The following BRWD3 variants were observed in gnomAD, a reference collection of about 807,000 sequenced individuals.
BRWD3 encodes bromodomain and WD repeat domain containing 3.
In BRWD3, 10 loss-of-function variants were observed where a neutral mutation model predicts 149.7. The ratio of observed to expected loss-of-function variants is 0.07; its 90% confidence interval spans 0.04 to 0.11. BRWD3 has a LOEUF of 0.11. Ranked by LOEUF, BRWD3 falls within the 10% of genes least tolerant of loss-of-function variation. The pLI, the probability that BRWD3 is intolerant of heterozygous loss-of-function variation, is 1.00. For synonymous variants in BRWD3, 504 were observed against 456.7 expected (o/e 1.10, Z -1.32); for missense variants, 940 against 1,373.2 (o/e 0.68, Z 4.99).
chrX:80,734,660 T>C (rs2073378132), intron 10 of BRWD3, among the ~76,000 whole-genome samples: 1 of 108,273 alleles, frequency 9.2e-6, no homozygotes, highest in Non-Finnish European at 1.9e-5. Context: ...CACTTAAGAA[T>C]GGCTAAAATG....
intron 9 of BRWD3, 126 bp downstream of exon 9, chrX:80,735,862 G>C: frequency 2.4e-6 from 1 of 422,548 alleles, no homozygotes. Context: ...AGTAGGTATG[G>C]ATATGTATAC....
intron 6 of BRWD3, among the ~76,000 whole-genome samples, chrX:80,784,427 G>A (rs915981463): frequency 1.8e-5 from 2 of 111,225 alleles, no homozygotes; most frequent in African/African-American, 6.5e-5. Flanking sequence ...TGTGCAGAAC[G>A]TGCAGGTTTG....
chrX:80,807,626 C>G (rs2074360462), intron 4 of BRWD3, among the ~76,000 whole-genome samples: 1 of 111,586 alleles, frequency 9.0e-6, no homozygotes, highest in African/African-American at 3.3e-5. Context: ...GAACCTCCCC[C>G]GCAAAATAAA....
intron 18 of BRWD3, among the ~76,000 whole-genome samples, 160 bp from the exon 19 acceptor site, chrX:80,717,919 ATT>A (rs1342859731): frequency 8.9e-6 from 1 of 111,912 alleles, no homozygotes; most frequent in Non-Finnish European, 1.9e-5. Context: ...TGTTTTTCAT[ATT>A]GTTATAAATA....
intron 36 of BRWD3, 124 bp downstream of exon 36, chrX:80,685,338 A>G: frequency 1.7e-6 from 1 of 598,864 alleles, no homozygotes; most frequent in Non-Finnish European, 2.7e-6. Flanking sequence ...AAAAAATCAA[A>G]CAAAGGTAAA....
chrX:80,770,431 G>T (rs1478782042), intron 6 of BRWD3, among the ~76,000 whole-genome samples: 1 of 111,708 alleles, frequency 9.0e-6, no homozygotes, highest in Non-Finnish European at 1.9e-5. Context: ...TCCCTAGGAC[G>T]CAAGGCTGGT....
chrX:80,730,129 A>G, intron 12 of BRWD3, 109 bp from the exon 13 acceptor site: 1 of 528,386 alleles, frequency 1.9e-6, no homozygotes, highest in Non-Finnish European at 3.3e-6. Flanking sequence ...GGGAATGTAA[A>G]ATGGTACAGT....
intron 21 of BRWD3, 151 bp downstream of exon 21, chrX:80,709,277 A>T: frequency 2.4e-6 from 1 of 410,247 alleles, no homozygotes; most frequent in Non-Finnish European, 3.9e-6. Flanking sequence ...ATGCCCAAAT[A>T]TACCTACTAA....
chrX:80,717,424 T>G, intron 19 of BRWD3, 149 bp downstream of exon 19: 1 of 527,937 alleles, frequency 1.9e-6, no homozygotes, highest in Non-Finnish European at 3.1e-6. Context: ...TGTTACGAAG[T>G]GAACTCACTG....
At position 80,676,439 on chromosome X, in the gene BRWD3, G is replaced by A; in HGVS notation, c.*170C>T. 1 of 598,304 alleles carries A rather than the reference G, an allele frequency of 1.7e-6. No individual in the cohort carries two copies. The highest frequency in any genetic ancestry group is 2.6e-6 in the Non-Finnish European group (1 of 387,632). The allele number at this position is 598,304 out of a possible 1,213,427, so 49.3% of individuals were successfully genotyped here. ...ATGAGTAAGGCTTATTTGAACAAAT[G>A]AAGTGTGGAGATCAAAAGTCTTGAA... On this transcript the variant is annotated 3_prime_UTR_variant, in exon 41 of 41. Coordinates refer to ENST00000373275, the MANE Select transcript of BRWD3 (RefSeq NM_153252.5).
chrX:80,742,545 C>T (rs1171085687), intron 8 of BRWD3, among the ~76,000 whole-genome samples: 1 of 110,196 alleles, frequency 9.1e-6, no homozygotes. Flanking sequence ...AATGTTCTTC[C>T]ATTTGTTTGT....
chrX:80,760,657 T>C (rs1417042724), intron 6 of BRWD3, among the ~76,000 whole-genome samples: 3 of 111,601 alleles, frequency 2.7e-5, no homozygotes, highest in African/African-American at 9.8e-5. Flanking sequence ...CAGACTGTGG[T>C]TTTCTTCATA....
At chrX:80,752,390 GATTT>G (rs1240531868) in intron 6 of BRWD3, among the ~76,000 whole-genome samples, 3 of 111,242 alleles carry the variant, frequency 2.7e-5, no homozygotes, top group Non-Finnish European at 5.6e-5. Flanking sequence ...TTGATATAAT[GATTT>G]ATTTTCCTCT....
chrX:80,782,608 C>A (rs1478115009), intron 6 of BRWD3, among the ~76,000 whole-genome samples: 2 of 111,505 alleles, frequency 1.8e-5, no homozygotes, highest in African/African-American at 6.5e-5. Context: ...GATCAATAAC[C>A]AGAATATAGC....
chrX:80,809,291 C>G lies in BRWD3; in HGVS notation c.45G>C (p.Leu15=), dbSNP rs1247138899. ...PTQIEAELYY[L]IARFLQSGPC... ...GTCCAGACTGCAAGAACCTAGCGAT[C>G]AGGTAATACAGCTCTGGGGAAGAGG... is the stretch of plus-strand genomic sequence containing the variant. The change falls in exon 2 of 41, where the codon CTG becomes CTC. Residue 15 remains leucine (L), a synonymous_variant. Coordinates refer to ENST00000373275, the MANE Select transcript of BRWD3 (RefSeq NM_153252.5). 8.4e-7 allele frequency: 1 copy of G among 1,193,190 alleles called. No homozygotes were observed. The highest frequency in any genetic ancestry group is 1.8e-5 in the African/African-American group (1 of 56,841).
intron 6 of BRWD3, among the ~76,000 whole-genome samples, chrX:80,783,371 G>C (rs2074075574): frequency 1.1e-5 from 1 of 86,974 alleles, no homozygotes; most frequent in Non-Finnish European, 2.3e-5. Flanking sequence ...GGGTGACAGA[G>C]TGAGACCCTG....
chrX:80,670,722 A>G lies in BRWD3; in HGVS notation c.*5887T>C, dbSNP rs1360426968. On this transcript the variant is annotated 3_prime_UTR_variant, in exon 41 of 41. Coordinates refer to ENST00000373275, the MANE Select transcript of BRWD3 (RefSeq NM_153252.5). ...AACGTGAGTCACTGTGCCTGGCCTT[A>G]ACCAAAAATTTTTAATGTAAGATTT... 9.0e-6 allele frequency: 1 copy of G among 111,534 alleles called. No individual in the cohort carries two copies. Among genetic ancestry groups the G allele is most frequent in the Non-Finnish European group, 1.9e-5 (1 of 53,110 alleles). The allele number at this position is 111,534 out of a possible 1,213,427, so 9.2% of individuals were successfully genotyped here.
intron 25 of BRWD3, among the ~76,000 whole-genome samples, chrX:80,697,865 T>C (rs1326440237): frequency 8.9e-6 from 1 of 112,255 alleles, no homozygotes; most frequent in Non-Finnish European, 1.9e-5. Flanking sequence ...CTACTTTAAG[T>C]CTCCTGAGAA....
At chrX:80,692,029 C>T (rs773192006) in intron 29 of BRWD3, 51 bp from the exon 30 acceptor site, 1 of 1,179,086 alleles carries the variant, frequency 8.5e-7, no homozygotes, top group South Asian at 1.9e-5. Flanking sequence ...TTTCCAATAT[C>T]ATGTGATTAC....
Sources: allele counts gnomAD v4.1 joint callset (sites outside exome capture counted in the v4.1 genomes callset), GRCh38; gene constraint gnomAD v4.1.1; transcripts MANE v1.5; gene names NCBI Gene and HGNC (gene_info 2026-07-23, HGNC 2026-07-21).